DNAAF9: variants seen among roughly 807,000 people sequenced by gnomAD.
The protein encoded by DNAAF9 is shulin.
Under a neutral mutation model 167.0 loss-of-function variants are expected in DNAAF9, and 90 were observed. The ratio of observed to expected loss-of-function variants is 0.54; its 90% CI spans 0.45 to 0.64. The LOEUF is 0.64. Among genes scored for constraint, DNAAF9 ranks in the 30% least tolerant of loss-of-function variants. DNAAF9 has a pLI of 0.00. For missense variants in DNAAF9, 1,315 were observed against 1,442.2 expected (o/e 0.91, Z 1.43); for synonymous variants, 491 against 508.8 (o/e 0.96, Z 0.47).
At chr20:3,274,267 T>C (rs2122828200) in intron 29 of DNAAF9, among the ~76,000 whole-genome samples, 1 of 152,120 alleles carries the variant, frequency 6.6e-6, no homozygotes, top group South Asian at 2.1e-4. Context: ...CTCATCCTCC[T>C]GAGTAGCTGG....
intron 30 of DNAAF9, among the ~76,000 whole-genome samples, chr20:3,266,563 C>T (rs1262806836): frequency 4.6e-5 from 7 of 152,034 alleles, no homozygotes; most frequent in Non-Finnish European, 7.4e-5. Flanking sequence ...CTGCAAGCTC[C>T]GCCTCCCAGG....
rs1450210343 is a variant in DNAAF9 at position 3,315,485 on chromosome 20, A to G, written c.1590+250T>C. ...TAGGCCAATCTGGGATCTGCTTTTA[A>G]TATTATGGGGAGATTTTTAAAAGAA... On this transcript the variant is annotated intron_variant, in intron 19 of 36. Coordinates refer to ENST00000252032, the MANE Select transcript of DNAAF9 (RefSeq NM_001009984.3). The surrounding 1 kb of genome is among the most constrained non-coding windows in gnomAD (Gnocchi z 4.1). 2.0e-5 allele frequency among the ~76,000 whole-genome samples: 3 copies of G among 152,210 alleles called. No homozygotes were observed. The highest frequency in any genetic ancestry group is 4.4e-5 in the Non-Finnish European group (3 of 68,034).
At chr20:3,275,804 A>G (rs1052171467) in intron 29 of DNAAF9, among the ~76,000 whole-genome samples, 2 of 152,224 alleles carry the variant, frequency 1.3e-5, no homozygotes, top group Non-Finnish European at 2.9e-5. Flanking sequence ...GTGAGCGAGC[A>G]GACAGCCTGG....
intron 7 of DNAAF9, among the ~76,000 whole-genome samples, chr20:3,351,949 G>A (rs756668490): frequency 6.6e-6 from 1 of 151,878 alleles, no homozygotes; most frequent in Non-Finnish European, 1.5e-5. Flanking sequence ...AGTAGATATG[G>A]GGTTCCACCA....
At chr20:3,393,855 A>C (rs1226481056) in intron 1 of DNAAF9, among the ~76,000 whole-genome samples, 1 of 152,216 alleles carries the variant, frequency 6.6e-6, no homozygotes, top group African/African-American at 2.4e-5. Context: ...CCACTCTTCA[A>C]CTAATGCTAA....
At chr20:3,344,610 C>T (rs1319280) in intron 8 of DNAAF9, among the ~76,000 whole-genome samples, 33 of 75,730 alleles carry the variant, frequency 4.4e-4, no homozygotes, top group South Asian at 9.6e-4. Context: ...CACACACACA[C>T]ACACACACAC....
chr20:3,298,201 G>T, intron 21 of DNAAF9, 26 bp from the exon 22 acceptor site: 1 of 1,599,652 alleles, frequency 6.3e-7, no homozygotes, highest in Admixed American at 1.7e-5. Context: ...GGGAGCATCA[G>T]CAAGAAGAGC....
intron 30 of DNAAF9, among the ~76,000 whole-genome samples, chr20:3,265,419 T>A (rs2068471037): frequency 6.6e-6 from 1 of 150,592 alleles, no homozygotes; most frequent in South Asian, 2.1e-4. Context: ...ATACAAAAAT[T>A]AGCTGGGCGT....
intron 6 of DNAAF9, among the ~76,000 whole-genome samples, chr20:3,367,793 C>T (rs1191933484): frequency 6.6e-6 from 1 of 151,606 alleles, no homozygotes; most frequent in Non-Finnish European, 1.5e-5. Context: ...AATGAAAAAG[C>T]TTGAAATATT....
Position 3,281,714 on chromosome 20 carries a change from T to A in DNAAF9, c.2539A>T (p.Asn847Tyr), listed in dbSNP as rs1237757349. Residue 847 changes from asparagine to tyrosine, a missense_variant, in exon 28 of 37, where the codon AAT becomes TAT. This residue lies in a region of DNAAF9 where 334 missense variants were observed against 429.7 expected (regional missense o/e 0.78). Transcript: ENST00000252032. ...CCAATGGTGAAGGAGGCCTTGACATTTGAGTCTGGGTGGGTCTGCAGGGCC... is the reference window on the plus strand; with the variant it reads ...CCAATGGTGAAGGAGGCCTTGACATATGAGTCTGGGTGGGTCTGCAGGGCC... The part of the protein sequence containing the change: ...VQALQTHPDS[N>Y]VKASFTIGAI... The A allele has an allele frequency of 6.2e-7, 1 of 1,612,968 alleles. No homozygotes were observed. Among genetic ancestry groups the A allele is most frequent in the African/African-American group, 1.3e-5 (1 of 74,996 alleles).
Position 3,313,960 on chromosome 20 carries a change from T to C in DNAAF9, c.1678+1073A>G, listed in dbSNP as rs191128576. 2.3e-3 allele frequency among the ~76,000 whole-genome samples: 348 copies of C among 152,280 alleles called. 1 individual carries two copies. Among genetic ancestry groups the C allele is most frequent in the African/African-American group, 8.1e-3 (335 of 41,570 alleles). ...TTGAAACCTTATCAAGGAACTGAAG[T>C]CTGCCCAGCTGAATTTCAAAGCTGC... On this transcript the variant is annotated intron_variant, in intron 20 of 36. Transcript: ENST00000252032.
rs7272407 is a variant in DNAAF9, at chr20:3,281,152, C to G, written c.2612+489G>C. Among the ~76,000 whole-genome samples the G allele has an allele frequency of 9.0e-3, 1,370 of 152,230 alleles. 20 individuals are homozygous for G. The highest frequency in any genetic ancestry group is 0.032 in the African/African-American group (1,316 of 41,518). ...CAAGCGATTTTCGTGCCTCAGCCTC[C>G]TGAGTAGCTGGGATTACAAGTGTGC... On this transcript the variant is annotated intron_variant, in intron 28 of 36. Transcript: ENST00000252032.
rs10522445 is a variant in DNAAF9, at chr20:3,394,949, C to CTTTTTTTTTTTTTTTT, written c.84-12459_84-12444dup. 4.1e-4 allele frequency among the ~76,000 whole-genome samples: 42 copies of CTTTTTTTTTTTTTTTT among 102,126 alleles called. 6 individuals are homozygous for CTTTTTTTTTTTTTTTT. Among genetic ancestry groups the CTTTTTTTTTTTTTTTT allele is most frequent in the East Asian group, 1.2e-3 (4 of 3,234 alleles). 67.0% of individuals were successfully genotyped at this position (102,126 alleles called of 152,430 possible). On this transcript the variant is annotated intron_variant, in intron 1 of 36. Transcript: ENST00000252032. ...GCTTTTACTGAACATTTTCTTTTTTCTTTTTTTTTTTTTTTTTTTTTTTTT... is the reference window on the plus strand; with the variant it reads ...GCTTTTACTGAACATTTTCTTTTTTCTTTTTTTTTTTTTTTTTTTTTTTTTTTTTTTTTTTTTTTTT...
chr20:3,380,310 A>T (rs1183947165), intron 3 of DNAAF9, among the ~76,000 whole-genome samples: 1 of 152,146 alleles, frequency 6.6e-6, no homozygotes, highest in African/African-American at 2.4e-5. Context: ...ATTTCAGTCT[A>T]CTCTTTTTGC....
intron 35 of DNAAF9, among the ~76,000 whole-genome samples, 183 bp downstream of exon 35, chr20:3,255,036 C>T (rs2068254330): frequency 6.6e-6 from 1 of 152,218 alleles, no homozygotes; most frequent in African/African-American, 2.4e-5. Context: ...TCTCCTGTGC[C>T]CTCCTCACTG....
At chr20:3,259,583 C>A in intron 32 of DNAAF9, 29 bp from the exon 33 acceptor site, 2 of 1,532,832 alleles carry the variant, frequency 1.3e-6, no homozygotes, top group Non-Finnish European at 1.8e-6. Context: ...AGCGCTGTCA[C>A]CCACATGGAG....
intron 20 of DNAAF9, among the ~76,000 whole-genome samples, chr20:3,308,768 G>A (rs1056932838): frequency 6.6e-6 from 1 of 151,732 alleles, no homozygotes; most frequent in Non-Finnish European, 1.5e-5. Context: ...CGTGAGGCCT[G>A]GAGTTTGAGA....
intron 16 of DNAAF9, among the ~76,000 whole-genome samples, chr20:3,318,990 G>C (rs760602506): frequency 2.0e-5 from 3 of 149,970 alleles, no homozygotes; most frequent in Admixed American, 6.7e-5. Flanking sequence ...GGCTGAGGCA[G>C]GAGAATTGCT....
chr20:3,389,143 A>C (rs1209246751), intron 1 of DNAAF9, among the ~76,000 whole-genome samples: 1 of 151,430 alleles, frequency 6.6e-6, no homozygotes, highest in African/African-American at 2.4e-5. Context: ...TAATTTTTTC[A>C]TATTTTTAGT....
Sources: allele counts gnomAD v4.1 joint callset (sites outside exome capture counted in the v4.1 genomes callset), GRCh38; gene constraint gnomAD v4.1.1; regional missense constraint gnomAD v4.1.1; non-coding constraint Gnocchi (gnomAD v3.1); transcripts MANE v1.5; gene names NCBI Gene and HGNC (gene_info 2026-07-23, HGNC 2026-07-21).